Variants in ATP6V0A2 observed in about 807,000 individuals in gnomAD.
ATP6V0A2 encodes ATPase H+ transporting V0 subunit a2.
ATP6V0A2 carries 58 observed loss-of-function variants against 104.4 expected under a neutral mutation model. The observed-to-expected ratio is 0.56, with a 90% CI of 0.45 to 0.69. The LOEUF (loss-of-function observed/expected upper bound fraction) is 0.69, where lower values mean the gene tolerates loss of function less well. ATP6V0A2 is among the 30% of genes least tolerant of loss of function. The pLI is 0.00. For synonymous variants in ATP6V0A2, 376 were observed against 397.9 expected (o/e 0.95, Z 0.65); for missense variants, 938 against 1,062.9 (o/e 0.88, Z 1.63).
intron 8 of ATP6V0A2, among the ~76,000 whole-genome samples, chr12:123,736,368 A>G (rs1320853382): frequency 3.3e-5 from 5 of 150,822 alleles, no homozygotes; most frequent in African/African-American, 1.2e-4. Context: ...ATTTTTTTGT[A>G]TTTTTAGTAG....
chr12:123,729,781 G>A (rs1332740054), intron 6 of ATP6V0A2, among the ~76,000 whole-genome samples: 2 of 151,960 alleles, frequency 1.3e-5, no homozygotes, highest in Non-Finnish European at 2.9e-5. Flanking sequence ...TAGTTTTGAC[G>A]CATAAAGAGA....
intron 2 of ATP6V0A2, among the ~76,000 whole-genome samples, chr12:123,718,965 A>G (rs1956370655): frequency 6.6e-6 from 1 of 152,176 alleles, no homozygotes; most frequent in Non-Finnish European, 1.5e-5. Context: ...TTACTATAAC[A>G]TCTTTTCGTG....
At chr12:123,749,600 C>T (rs1404539984) in intron 15 of ATP6V0A2, among the ~76,000 whole-genome samples, 2 of 152,202 alleles carry the variant, frequency 1.3e-5, no homozygotes, top group South Asian at 2.1e-4. Context: ...GTATAGCGCA[C>T]GTGTCCAAAG....
At chr12:123,719,598 G>A (rs1032112957) in intron 2 of ATP6V0A2, among the ~76,000 whole-genome samples, 1 of 151,808 alleles carries the variant, frequency 6.6e-6, no homozygotes, top group African/African-American at 2.4e-5. Flanking sequence ...TGTTGGCCAG[G>A]CTGGTCTTGA....
chr12:123,756,628 G>A, intron 18 of ATP6V0A2, 187 bp from the exon 19 acceptor site: 1 of 618,726 alleles, frequency 1.6e-6, no homozygotes. Flanking sequence ...CTTCCTTAGT[G>A]TTTGAGACCG....
intron 6 of ATP6V0A2, among the ~76,000 whole-genome samples, chr12:123,728,771 T>C (rs1956471857): frequency 6.6e-6 from 1 of 152,260 alleles, no homozygotes; most frequent in African/African-American, 2.4e-5. Context: ...TTCTGTTTGC[T>C]CCATTACTGG....
At chr12:123,732,723 C>T (rs1189852518) in intron 6 of ATP6V0A2, 1 of 151,940 alleles carries the variant, frequency 6.6e-6, no homozygotes, top group East Asian at 1.9e-4. Flanking sequence ...CCTTGCCCAT[C>T]CTATGTGAGA....
At chr12:123,743,677 A>C (rs968049137) in intron 9 of ATP6V0A2, 108 bp from the exon 10 acceptor site, 54 of 1,292,056 alleles carry the variant, frequency 4.2e-5, no homozygotes, top group Non-Finnish European at 5.7e-5. Flanking sequence ...ACAAAACAAC[A>C]CCACCAAAAA....
Position 123,756,798 on chromosome 12 carries a change from G to C in ATP6V0A2, c.2294-17G>C. 6.2e-7 allele frequency: 1 copy of C among 1,613,202 alleles called. No individual in the cohort carries two copies. Among genetic ancestry groups the C allele is most frequent in the South Asian group, 1.1e-5 (1 of 91,036 alleles). ...ACATAAGCGAGCATGACCTGTGCAG[G>C]CTGCACTCCTTTGCAGAGTTGTCTG... On this transcript the variant is annotated splice_polypyrimidine_tract_variant and intron_variant, in intron 18 of 19. Transcript: ENST00000330342.
At chr12:123,752,120 A>T (rs1593918584) in intron 16 of ATP6V0A2, among the ~76,000 whole-genome samples, 163 bp from the exon 17 acceptor site, 1 of 152,174 alleles carries the variant, frequency 6.6e-6, no homozygotes, top group South Asian at 2.1e-4. Flanking sequence ...TCGGCTTCCC[A>T]AAGTGCTGTG....
At chr12:123,752,893 A>T (rs1425593131) in intron 17 of ATP6V0A2, among the ~76,000 whole-genome samples, 1 of 152,154 alleles carries the variant, frequency 6.6e-6, no homozygotes, top group Admixed American at 6.5e-5. Context: ...TTGTGAAGTC[A>T]GTTGGCCCCA....
intron 1 of ATP6V0A2, among the ~76,000 whole-genome samples, chr12:123,714,940 C>CA (rs1319045950): frequency 1.3e-5 from 2 of 152,112 alleles, no homozygotes; most frequent in Non-Finnish European, 2.9e-5. Context: ...ATTAGCTGGG[C>CA]ATGGCGGGGT....
intron 1 of ATP6V0A2, among the ~76,000 whole-genome samples, chr12:123,717,314 C>CAAAAA (rs538974425): frequency 0.039 from 4,160 of 106,536 alleles, 149 homozygotes; most frequent in African/African-American, 0.11. Context: ...AACTCTGTCT[C>CAAAAA]AAAAAAAAAA....
At chr12:123,726,970 G>T (rs1243506857) in intron 5 of ATP6V0A2, among the ~76,000 whole-genome samples, 1 of 152,200 alleles carries the variant, frequency 6.6e-6, no homozygotes, top group Non-Finnish European at 1.5e-5. Flanking sequence ...TTAACCTGTG[G>T]TTATAAATTC....
chr12:123,741,750 C>T (rs1005752479), intron 9 of ATP6V0A2, among the ~76,000 whole-genome samples: 5 of 152,068 alleles, frequency 3.3e-5, no homozygotes, highest in Non-Finnish European at 7.4e-5. Context: ...AAGCATGAGC[C>T]ACCATGCCTG....
At chr12:123,716,818 A>G (rs1321991341) in intron 1 of ATP6V0A2, among the ~76,000 whole-genome samples, 1 of 151,516 alleles carries the variant, frequency 6.6e-6, no homozygotes, top group African/African-American at 2.4e-5. Flanking sequence ...TTATAGAGTC[A>G]TGCATCCATT....
intron 19 of ATP6V0A2, among the ~76,000 whole-genome samples, chr12:123,757,426 C>T (rs1310860778): frequency 8.6e-5 from 11 of 128,076 alleles, no homozygotes; most frequent in Admixed American, 7.8e-4. Flanking sequence ...GGGGGACGAG[C>T]GAAACTCTGT....
chr12:123,742,959 C>T (rs1956623638), intron 9 of ATP6V0A2, among the ~76,000 whole-genome samples: 1 of 152,176 alleles, frequency 6.6e-6, no homozygotes, highest in African/African-American at 2.4e-5. Flanking sequence ...ATTGCAAACA[C>T]TGATGGATAA....
chr12:123,750,889 A>G (rs1003191567), intron 15 of ATP6V0A2: 10 of 581,860 alleles, frequency 1.7e-5, no homozygotes, highest in South Asian at 7.9e-5. Context: ...CTAAAACAAA[A>G]TAATACTTTA....
Sources: gnomAD v4.1 joint callset for allele counts (sites outside exome capture counted in the v4.1 genomes callset) on GRCh38, gnomAD v4.1.1 for gene constraint, MANE v1.5 for transcripts, NCBI Gene and HGNC (gene_info 2026-07-23, HGNC 2026-07-21) for gene names.